Variants in ALCAM observed in about 807,000 individuals in gnomAD.
ALCAM encodes the protein CD166 antigen.
Under a neutral mutation model 70.9 loss-of-function variants are expected in ALCAM, and 30 were observed. The ratio of observed to expected loss-of-function variants is 0.42; its 90% confidence interval spans 0.32 to 0.57. The LOEUF is 0.57. Ranked by LOEUF, ALCAM falls within the 20% of genes least tolerant of loss-of-function variation. The pLI, the probability that ALCAM is intolerant of heterozygous loss-of-function variation, is 0.11. For synonymous variants in ALCAM, 249 were observed against 242.5 expected, an observed-to-expected ratio of 1.03 and a Z score of -0.25; for missense variants, 591 against 695.1, an observed-to-expected ratio of 0.85 and a Z score of 1.68.
Position 105,529,118 on chromosome 3 carries a change from A to G in ALCAM, c.395-2884A>G, listed in dbSNP as rs148553264. ...TAAGCTACCATAGTGTGGCCCTATT[A>G]TAATATAGCTTCTAACTACTTAAGA... On this transcript the variant is annotated intron_variant, in intron 3 of 15. Transcript: ENST00000306107. Among the ~76,000 whole-genome samples, 1,243 of 152,306 alleles carry G rather than the reference A, an allele frequency of 8.2e-3. 14 individuals are homozygous for G. Among genetic ancestry groups the G allele is most frequent in the African/African-American group, 0.028 (1,168 of 41,574 alleles).
intron 1 of ALCAM, among the ~76,000 whole-genome samples, chr3:105,468,125 G>A (rs1333111172): frequency 6.6e-6 from 1 of 151,264 alleles, no homozygotes; most frequent in Non-Finnish European, 1.5e-5. Context: ...AGCAATAGGG[G>A]AGCGTCTGAT....
In ALCAM at chr3:105,427,119, G is replaced by T. The variant is rs567913296; in HGVS notation, c.73+59638G>T. Reference sequence around the variant, plus strand: ...TTACCCTTTTCAAAGAAGTATCTTCGGTTCTTAGAAATCCCATGCCCAGGG... The same window carrying T: ...TTACCCTTTTCAAAGAAGTATCTTCTGTTCTTAGAAATCCCATGCCCAGGG... On this transcript the variant is annotated intron_variant, in intron 1 of 15. Coordinates refer to ENST00000306107, the MANE Select transcript of ALCAM (RefSeq NM_001627.4). Among the ~76,000 whole-genome samples, 483 of 151,848 alleles carry T rather than the reference G, an allele frequency of 3.2e-3. 3 individuals are homozygous for T. Among genetic ancestry groups the T allele is most frequent in the Non-Finnish European group, 5.7e-3 (386 of 67,870 alleles).
chr3:105,476,514 TCTTTACTGGTTCCAGTTAGTATA>T (rs1311158843), intron 1 of ALCAM, among the ~76,000 whole-genome samples: 1 of 152,080 alleles, frequency 6.6e-6, no homozygotes, highest in African/African-American at 2.4e-5. Flanking sequence ...CTTCGCCATC[TCTTTACTGGTTCCAGTTAGTATA>T]CTTTACTGGT....
At chr3:105,485,635 T>C (rs1392680302) in intron 1 of ALCAM, among the ~76,000 whole-genome samples, 1 of 152,064 alleles carries the variant, frequency 6.6e-6, no homozygotes, top group East Asian at 1.9e-4. Context: ...ATCTGTGTTA[T>C]TGTATGAAAA....
chr3:105,482,663 A>T (rs75138709), intron 1 of ALCAM, among the ~76,000 whole-genome samples: 1 of 152,156 alleles, frequency 6.6e-6, no homozygotes, highest in Admixed American at 6.6e-5. Flanking sequence ...AGCTTATCCT[A>T]TAGCTTTTGA....
At position 105,550,315 on chromosome 3, in the gene ALCAM, T is replaced by C. The variant is rs1353477377; in HGVS notation, c.1507+56T>C. 5 of 1,524,844 alleles carry C rather than the reference T, an allele frequency of 3.3e-6. No homozygotes were observed. The African/African-American group carries it at 5.6e-5, about 17-fold the overall frequency. The allele number at this position is 1,524,844 out of a possible 1,614,324, so 94.5% of individuals were successfully genotyped here. A position where few individuals can be genotyped will look rare whatever the true frequency, so the allele number is the denominator to read the frequency against. The stretch of plus-strand genomic sequence containing the variant: ...TAAGAAAATTTGAAGTTATTCTTCA[T>C]TAGTTTAAAATCTTCAATTCCATCT... On this transcript the variant is annotated intron_variant, in intron 12 of 15. Transcript: ENST00000306107.
intron 1 of ALCAM, among the ~76,000 whole-genome samples, chr3:105,389,548 T>C (rs1935757190): frequency 6.6e-6 from 1 of 151,416 alleles, no homozygotes; most frequent in South Asian, 2.1e-4. Context: ...AATAAACTAC[T>C]AGTGCAAAAT....
intron 1 of ALCAM, among the ~76,000 whole-genome samples, chr3:105,512,148 G>A (rs1939257072): frequency 6.6e-6 from 1 of 152,108 alleles, no homozygotes; most frequent in South Asian, 2.1e-4. Flanking sequence ...GAGTTTGGTA[G>A]TGTTATCAAA....
intron 1 of ALCAM, among the ~76,000 whole-genome samples, chr3:105,475,303 T>C (rs1938076535): frequency 6.6e-6 from 1 of 151,990 alleles, no homozygotes; most frequent in African/African-American, 2.4e-5. Flanking sequence ...TATAATATCC[T>C]CCATATGAAT....
intron 1 of ALCAM, among the ~76,000 whole-genome samples, chr3:105,463,646 G>A (rs931567134): frequency 2.0e-5 from 3 of 151,368 alleles, no homozygotes; most frequent in African/African-American, 7.3e-5. Context: ...TCTTTTGAAA[G>A]GTTAAAATTG....
In ALCAM at chr3:105,532,042, T is replaced by G; in HGVS notation, c.435T>G (p.Phe145Leu). The change falls in exon 4 of 16, where the codon TTT becomes TTG. Residue 145 changes from phenylalanine (F) to leucine (L), a missense_variant. Phe to Leu is a conservative substitution (Grantham distance 22). Transcript: ENST00000306107. ...CTGAAATTGTAAGCAAAGCACTGTT[T>G]CTCGAAACAGAGCAGCTAAAAAAGG... ...SKPEIVSKAL[F>L]LETEQLKKLG... is the part of the protein sequence containing the mutation. The G allele has an allele frequency of 6.2e-7, 1 of 1,613,466 alleles. No homozygotes were observed. Among genetic ancestry groups the G allele is most frequent in the Non-Finnish European group, 8.5e-7 (1 of 1,179,710 alleles).
intron 12 of ALCAM, 114 bp from the exon 13 acceptor site, chr3:105,552,030 A>T: frequency 1.5e-6 from 1 of 654,038 alleles, no homozygotes; most frequent in East Asian, 3.0e-5. Context: ...ACTGTTAGCT[A>T]TAGAATAGAC....
rs578193049 is a variant in ALCAM, at chr3:105,422,379, A to G, written c.73+54898A>G. ...AACTAATGATTCCAACATTATTTCC[A>G]GTGGTACTGGTAATGCATTCAGGCA... On this transcript the variant is annotated intron_variant, in intron 1 of 15. Coordinates refer to ENST00000306107, the MANE Select transcript of ALCAM (RefSeq NM_001627.4). 1.6e-4 allele frequency among the ~76,000 whole-genome samples: 24 copies of G among 151,558 alleles called. No individual in the cohort carries two copies. The South Asian group carries it at 4.6e-3, about 29-fold the overall frequency.
chr3:105,438,492 A>T (rs1937102433), intron 1 of ALCAM, among the ~76,000 whole-genome samples: 1 of 152,230 alleles, frequency 6.6e-6, no homozygotes, highest in Non-Finnish European at 1.5e-5. Context: ...GGAGGATTTA[A>T]TCGATAAATG....
chr3:105,434,248 C>T (rs1265302236), intron 1 of ALCAM, among the ~76,000 whole-genome samples: 1 of 152,092 alleles, frequency 6.6e-6, no homozygotes, highest in East Asian at 1.9e-4. Flanking sequence ...TTGTCACATT[C>T]TGTGATCATT....
intron 1 of ALCAM, among the ~76,000 whole-genome samples, chr3:105,502,325 A>T (rs1938942728): frequency 6.6e-6 from 1 of 152,128 alleles, no homozygotes; most frequent in African/African-American, 2.4e-5. Context: ...TTTATGTAGA[A>T]TTTTTTTTAA....
chr3:105,388,394 T>A (rs373855040), intron 1 of ALCAM, among the ~76,000 whole-genome samples: 43 of 151,680 alleles, frequency 2.8e-4, no homozygotes, highest in African/African-American at 1.0e-3. Context: ...AAAAAGCTAG[T>A]TCCTCAAATT....
chr3:105,519,430 T>C (rs1939471567), intron 1 of ALCAM, among the ~76,000 whole-genome samples: 1 of 152,048 alleles, frequency 6.6e-6, no homozygotes, highest in African/African-American at 2.4e-5. Context: ...AATAGCACTT[T>C]ATGAAGCATG....
At chr3:105,474,755 A>G (rs1387066178) in intron 1 of ALCAM, among the ~76,000 whole-genome samples, 1 of 151,786 alleles carries the variant, frequency 6.6e-6, no homozygotes, top group African/African-American at 2.4e-5. Flanking sequence ...ACATACTATA[A>G]TTTTAAATTT....
Sources: allele counts gnomAD v4.1 joint callset (sites outside exome capture counted in the v4.1 genomes callset), GRCh38; gene constraint gnomAD v4.1.1; transcripts MANE v1.5; gene names NCBI Gene and HGNC (gene_info 2026-07-23, HGNC 2026-07-21).